CPXM1: variants seen among roughly 807,000 people sequenced by gnomAD.
CPXM1 encodes carboxypeptidase X, M14 family member 1, also known as probable carboxypeptidase X1.
Under a neutral mutation model 80.4 loss-of-function variants are expected in CPXM1, and 72 were observed. That is an observed-to-expected ratio of 0.90 (90% CI 0.74 to 1.09). CPXM1 has a LOEUF of 1.09. Ranked by LOEUF, CPXM1 falls within the 50% of genes least tolerant of loss-of-function variation. The probability of loss-of-function intolerance (pLI) is 0.00; values close to 1 mark genes in which losing one functional copy is unlikely to be tolerated. For synonymous variants in CPXM1, 403 were observed against 405.6 expected (o/e 0.99, Z 0.08); for missense variants, 892 against 999.4 (o/e 0.89, Z 1.45).
At position 2,796,820 on chromosome 20, in the gene CPXM1, G is replaced by C. The variant is rs765702872; in HGVS notation, c.922-170C>G. ...AGAGCCGGGAGGAAGGGGTAGGACT[G>C]GGGGGGCGCCATAATAAGGGAAAGT... On this transcript the variant is annotated intron_variant, in intron 7 of 13. Transcript: ENST00000380605. This position sits in a 1 kb window ranked among gnomAD's most constrained non-coding sequence, Gnocchi z 6.8. Among the ~76,000 whole-genome samples the C allele has an allele frequency of 3.3e-5, 5 of 151,888 alleles. No individual in the cohort carries two copies. Among genetic ancestry groups the C allele is most frequent in the African/African-American group, 4.8e-5 (2 of 41,338 alleles).
Position 2,798,903 on chromosome 20 carries a change from C to T in CPXM1, c.173-10G>A, listed in dbSNP as rs2088539158. 5.6e-6 allele frequency: 9 copies of T among 1,611,680 alleles called. No individual in the cohort carries two copies. Among genetic ancestry groups the T allele is most frequent in the Non-Finnish European group, 5.9e-6 (7 of 1,178,684 alleles). ...TGCTGTTCTGAGGTCCCTTGGGGTC[C>T]GAGAGGCACAGCATGGGGGAAAGGA... On this transcript the variant is annotated splice_polypyrimidine_tract_variant and intron_variant, in intron 1 of 13. Coordinates refer to ENST00000380605, the MANE Select transcript of CPXM1 (RefSeq NM_019609.5).
chr20:2,798,673 G>A, intron 2 of CPXM1, 53 bp downstream of exon 2: 2 of 1,581,414 alleles, frequency 1.3e-6, no homozygotes, highest in Non-Finnish European at 1.7e-6. Flanking sequence ...AGCTGTGCTG[G>A]TAAAGTGCCC....
In CPXM1 at chr20:2,800,387, G is replaced by T; in HGVS notation, c.172+14C>A. On this transcript the variant is annotated intron_variant, in intron 1 of 13. Transcript: ENST00000380605. ...CGGCTTGCGGGGGAGCGGACCGTCGGTCGGGGAACTCACCGTTAGCTGTCT... is the reference window on the plus strand; with the variant it reads ...CGGCTTGCGGGGGAGCGGACCGTCGTTCGGGGAACTCACCGTTAGCTGTCT... The T allele has an allele frequency of 1.3e-6, 2 of 1,513,682 alleles. No homozygotes were observed. Among genetic ancestry groups the T allele is most frequent in the East Asian group, 5.3e-5 (2 of 37,796 alleles). 93.8% of individuals were successfully genotyped at this position (1,513,682 alleles called of 1,614,324 possible).
chr20:2,796,758 G>C lies in CPXM1; in HGVS notation c.922-108C>G. ...AAAGTCAGCGATGGCCCACACAGAG[G>C]GGGCATCCCATCATGGTACAGGAGG... On this transcript the variant is annotated intron_variant, in intron 7 of 13. Transcript: ENST00000380605. This position sits in a 1 kb window ranked among gnomAD's most constrained non-coding sequence, Gnocchi z 6.8. 6.8e-7 allele frequency: 1 copy of C among 1,466,266 alleles called. No homozygotes were observed. The highest frequency in any genetic ancestry group is 9.3e-7 in the Non-Finnish European group (1 of 1,080,138). 90.8% of individuals were successfully genotyped at this position (1,466,266 alleles called of 1,614,324 possible).
rs1157620690 is a variant in CPXM1 at position 2,796,290 on chromosome 20, A to T, written c.1199T>A (p.Leu400Gln). 1 of 1,613,768 alleles carries T rather than the reference A, an allele frequency of 6.2e-7. No individual in the cohort carries two copies. The highest frequency in any genetic ancestry group is 1.3e-5 in the African/African-American group (1 of 74,930). The change falls in exon 9 of 14, where the codon CTG becomes CAG. Residue 400 changes from leucine to glutamine, a missense_variant. Coordinates refer to ENST00000380605, the MANE Select transcript of CPXM1 (RefSeq NM_019609.5). The surrounding 1 kb of genome is among the most constrained non-coding windows in gnomAD (Gnocchi z 6.8). Reference protein sequence around the residue: ...RLLSEMRIHLLPSMNPDGYEI... With the variant: ...RLLSEMRIHLQPSMNPDGYEI... ...ATAGCCATCAGGGTTCATGGAGGGC[A>T]GCAGGTGAATGCGCATCTCAGAGAG...
intron 5 of CPXM1, 77 bp downstream of exon 5, chr20:2,797,891 C>G: frequency 7.5e-7 from 1 of 1,337,446 alleles, no homozygotes; most frequent in East Asian, 2.3e-5. Flanking sequence ...TCCTTGTCCT[C>G]AGAGGAGCCT....
At position 2,796,640 on chromosome 20, in the gene CPXM1, T is replaced by C; in HGVS notation, c.932A>G (p.Gln311Arg). 2 of 1,614,100 alleles carry C rather than the reference T, an allele frequency of 1.2e-6. No individual in the cohort carries two copies. The highest frequency in any genetic ancestry group is 1.7e-6 in the Non-Finnish European group (2 of 1,179,956). Reference sequence around the variant, plus strand: ...GATGTTGGGGCATTGCTCTTGTACCTGCTTCATCAGCTGGTGGGCAGAGTG... The same window carrying C: ...GATGTTGGGGCATTGCTCTTGTACCCGCTTCATCAGCTGGTGGGCAGAGTG... The part of the protein sequence containing the change: ...NYKAMRKLMK[Q>R]VQEQCPNITR... The change falls in exon 8 of 14, where the codon CAG becomes CGG. Residue 311 changes from glutamine to arginine, a missense_variant. Around this residue, in one of 2 missense-constraint regions of CPXM1, gnomAD observed 874 missense variants for 958.4 expected, o/e 0.91. Coordinates refer to ENST00000380605, the MANE Select transcript of CPXM1 (RefSeq NM_019609.5). This position sits in a 1 kb window ranked among gnomAD's most constrained non-coding sequence, Gnocchi z 6.8.
Position 2,796,635 on chromosome 20 carries a change from G to C in CPXM1, c.937C>G (p.Gln313Glu), listed in dbSNP as rs1264428859. 4.3e-6 allele frequency: 7 copies of C among 1,614,134 alleles called. No individual in the cohort carries two copies. The highest frequency in any genetic ancestry group is 5.9e-6 in the Non-Finnish European group (7 of 1,180,000). The change falls in exon 8 of 14, where the codon CAA becomes GAA. Residue 313 changes from glutamine (Q) to glutamate (E), a missense_variant. By Grantham distance (29) the Gln-to-Glu change is conservative. This residue lies in a region of CPXM1 where 874 missense variants were observed against 958.4 expected (regional missense o/e 0.91). Transcript: ENST00000380605. This position sits in a 1 kb window ranked among gnomAD's most constrained non-coding sequence, Gnocchi z 6.8. The part of the protein sequence containing the change: ...KAMRKLMKQV[Q>E]EQCPNITRIY... The stretch of plus-strand genomic sequence containing the variant: ...CGGGTGATGTTGGGGCATTGCTCTT[G>C]TACCTGCTTCATCAGCTGGTGGGCA...
rs966809057 is a variant in CPXM1, at chr20:2,796,217, A to T, written c.1242+30T>A. ...CAGGTCCAGCCACCAGGGCAGAAGGACAGAGTGGCCCTCATGCTGGGTGGC... is the reference window on the plus strand; with the variant it reads ...CAGGTCCAGCCACCAGGGCAGAAGGTCAGAGTGGCCCTCATGCTGGGTGGC... On this transcript the variant is annotated intron_variant, in intron 9 of 13. Coordinates refer to ENST00000380605, the MANE Select transcript of CPXM1 (RefSeq NM_019609.5). This position sits in a 1 kb window ranked among gnomAD's most constrained non-coding sequence, Gnocchi z 6.8. The T allele has an allele frequency of 3.7e-6, 6 of 1,610,910 alleles. No homozygotes were observed. Among genetic ancestry groups the T allele is most frequent in the African/African-American group, 1.3e-5 (1 of 74,876 alleles).
In CPXM1 at chr20:2,796,825, G is replaced by C. The variant is rs2088515156; in HGVS notation, c.922-175C>G. On this transcript the variant is annotated intron_variant, in intron 7 of 13. Transcript: ENST00000380605. This position sits in a 1 kb window ranked among gnomAD's most constrained non-coding sequence, Gnocchi z 6.8. The stretch of plus-strand genomic sequence containing the variant: ...CGGGAGGAAGGGGTAGGACTGGGGG[G>C]GCGCCATAATAAGGGAAAGTGGGAT... Among the ~76,000 whole-genome samples, 1 of 152,078 alleles carries C rather than the reference G, an allele frequency of 6.6e-6. No homozygotes were observed. The highest frequency in any genetic ancestry group is 2.4e-5 in the African/African-American group (1 of 41,410).
At position 2,796,355 on chromosome 20, in the gene CPXM1, G is replaced by A. The variant is rs2088508613; in HGVS notation, c.1134C>T (p.Cys378=). 2 of 1,613,972 alleles carry A rather than the reference G, an allele frequency of 1.2e-6. No individual in the cohort carries two copies. The highest frequency in any genetic ancestry group is 3.3e-5 in the Admixed American group (2 of 60,008). ...GTGGGTTCCCTCGCAGGAACTCATG[G>A]CACAGGAACTGCATCAGGAGCAGAA... The part of the protein sequence containing the change: ...ELLLLLMQFL[C]HEFLRGNPRV... Residue 378 remains cysteine, a synonymous_variant, in exon 9 of 14, where the codon TGC becomes TGT. Transcript: ENST00000380605. The surrounding 1 kb of genome is among the most constrained non-coding windows in gnomAD (Gnocchi z 6.8).
Position 2,797,014 on chromosome 20 carries a change from T to C in CPXM1, c.913A>G (p.Met305Val), listed in dbSNP as rs1222438352. Residue 305 changes from methionine (M) to valine (V), a missense_variant, in exon 7 of 14, where the codon ATG (methionine) becomes GTG (valine). By Grantham distance (21) the Met-to-Val change is conservative. This residue lies in a region of CPXM1 where 874 missense variants were observed against 958.4 expected (regional missense o/e 0.91). Transcript: ENST00000380605. ...LDFQHHNYKA[M>V]RKLMKQVQEQ... is the part of the protein sequence containing the mutation. Reference sequence around the variant, plus strand: ...TAGGGGTTATATCTGACCTTCCTCATGGCCTTGTAATTGTGATGCTGAAAG... The same window carrying C: ...TAGGGGTTATATCTGACCTTCCTCACGGCCTTGTAATTGTGATGCTGAAAG... The C allele has an allele frequency of 6.8e-6, 11 of 1,613,986 alleles. No homozygotes were observed. Among genetic ancestry groups the C allele is most frequent in the Middle Eastern group, 1.7e-4 (1 of 6,060 alleles).
At position 2,795,752 on chromosome 20, in the gene CPXM1, T is replaced by C; in HGVS notation, c.1567A>G (p.Thr523Ala). Reference sequence around the variant, plus strand: ...CAGCGAAACACAGCATCATCTGGTGTGGGCGTGAGCTCGCGGGCAGCCCAC... The same window carrying C: ...CAGCGAAACACAGCATCATCTGGTGCGGGCGTGAGCTCGCGGGCAGCCCAC... The part of the protein sequence containing the change: ...TPWAARELTP[T>A]PDDAVFRWLS... The change falls in exon 11 of 14, where the codon ACA (threonine) becomes GCA (alanine). Residue 523 changes from threonine (T) to alanine (A), a missense_variant. By Grantham distance (58) the Thr-to-Ala change is moderately conservative. Coordinates refer to ENST00000380605, the MANE Select transcript of CPXM1 (RefSeq NM_019609.5). The surrounding 1 kb of genome is among the most constrained non-coding windows in gnomAD (Gnocchi z 5.4). 1 of 1,613,754 alleles carries C rather than the reference T, an allele frequency of 6.2e-7. No individual in the cohort carries two copies. The highest frequency in any genetic ancestry group is 1.1e-5 in the South Asian group (1 of 91,090).
In CPXM1 at chr20:2,795,786, A is replaced by T. The variant is rs1261679865; in HGVS notation, c.1533T>A (p.Thr511=). 6.2e-7 allele frequency: 1 copy of T among 1,612,594 alleles called. No individual in the cohort carries two copies. The highest frequency in any genetic ancestry group is 8.5e-7 in the Non-Finnish European group (1 of 1,180,026). Residue 511 remains threonine (T), a synonymous_variant, in exon 11 of 14, where the codon ACT becomes ACA. Coordinates refer to ENST00000380605, the MANE Select transcript of CPXM1 (RefSeq NM_019609.5). The surrounding 1 kb of genome is among the most constrained non-coding windows in gnomAD (Gnocchi z 5.4). ...ELVVSYPFDM[T]RTPWAARELT... The stretch of plus-strand genomic sequence containing the variant: ...GCTCGCGGGCAGCCCACGGGGTGCG[A>T]GTCATGTCGAATGGGTAGGACACCA...
intron 5 of CPXM1, 113 bp downstream of exon 5, chr20:2,797,855 C>G: frequency 1.1e-6 from 1 of 944,474 alleles, no homozygotes. Flanking sequence ...GCCACACCCC[C>G]CTGGGAAGCC....
At position 2,798,257 on chromosome 20, in the gene CPXM1, G is replaced by T. The variant is rs764567608; in HGVS notation, c.485C>A (p.Ala162Asp). 6 of 1,613,916 alleles carry T rather than the reference G, an allele frequency of 3.7e-6. No homozygotes were observed. The highest frequency in any genetic ancestry group is 5.1e-6 in the Non-Finnish European group (6 of 1,180,030). Reference protein sequence around the residue: ...GLEDGDLYDGAWCAEEQDADP... With the variant: ...GLEDGDLYDGDWCAEEQDADP... ...GGCGTCCTGCTCCTCAGCACACCAG[G>T]CTCCATCATATAGATCGCCGTCCTC... is the stretch of plus-strand genomic sequence containing the variant. The change falls in exon 4 of 14, where the codon GCC (alanine) becomes GAC (aspartate). Residue 162 changes from alanine (A) to aspartate (D), a missense_variant. Physicochemically the swap from Ala to Asp is moderately radical, Grantham distance 126 (BLOSUM62 -2). Transcript: ENST00000380605.
In CPXM1 at chr20:2,795,542, T is replaced by C. The variant is rs2088495879; in HGVS notation, c.1720+57A>G. On this transcript the variant is annotated intron_variant, in intron 11 of 13. Transcript: ENST00000380605. The surrounding 1 kb of genome is among the most constrained non-coding windows in gnomAD (Gnocchi z 5.4). Reference sequence around the variant, plus strand: ...GCCAGCACTGTACGCAACCGCAGGCTGTCTTATCAGGGCGGGGGTTACGGG... The same window carrying C: ...GCCAGCACTGTACGCAACCGCAGGCCGTCTTATCAGGGCGGGGGTTACGGG... 1 of 1,592,512 alleles carries C rather than the reference T, an allele frequency of 6.3e-7. No homozygotes were observed. The highest frequency in any genetic ancestry group is 2.2e-5 in the East Asian group (1 of 44,504).
At chr20:2,799,718 T>C (rs1359095795) in intron 1 of CPXM1, among the ~76,000 whole-genome samples, 1 of 152,062 alleles carries the variant, frequency 6.6e-6, no homozygotes, top group Non-Finnish European at 1.5e-5. Flanking sequence ...GCGCTCCTCC[T>C]CTCCTATTCC....
Position 2,794,746 on chromosome 20 carries a change from C to T in CPXM1, c.1861-107G>A, listed in dbSNP as rs2088487535. The stretch of plus-strand genomic sequence containing the variant: ...TGCAAACCTGAGCAAAGTGGTAGGT[C>T]TACTGTGTTCCTAGGTGACACTACT... On this transcript the variant is annotated intron_variant, in intron 12 of 13. Transcript: ENST00000380605. The surrounding 1 kb of genome is among the most constrained non-coding windows in gnomAD (Gnocchi z 5.2). The T allele has an allele frequency of 2.6e-6, 2 of 765,946 alleles. No individual in the cohort carries two copies. Among genetic ancestry groups the T allele is most frequent in the Admixed American group, 2.2e-5 (1 of 44,872 alleles). 47.4% of individuals were successfully genotyped at this position (765,946 alleles called of 1,614,324 possible). A position where few individuals can be genotyped will look rare whatever the true frequency, so the allele number is the denominator to read the frequency against.
Sources: gnomAD v4.1 joint callset for allele counts (sites outside exome capture counted in the v4.1 genomes callset) on GRCh38, gnomAD v4.1.1 for gene constraint, gnomAD v4.1.1 regional missense constraint, Gnocchi (gnomAD v3.1) non-coding constraint, MANE v1.5 for transcripts, NCBI Gene and HGNC (gene_info 2026-07-23, HGNC 2026-07-21) for gene names.